Variants in RABEP1 observed in about 807,000 individuals in gnomAD.
The protein encoded by RABEP1 is rabaptin, RAB GTPase binding effector protein 1.
Under a neutral mutation model 123.4 loss-of-function variants are expected in RABEP1, and 51 were observed. That is an observed-to-expected ratio of 0.41 (90% CI 0.33 to 0.52). The LOEUF is 0.52. Among genes scored for constraint, RABEP1 ranks in the 20% least tolerant of loss-of-function variants. The pLI, the probability that RABEP1 is intolerant of heterozygous loss-of-function variation, is 0.16. For synonymous variants in RABEP1, 347 were observed against 355.2 expected (o/e 0.98, Z 0.26); for missense variants, 888 against 996.3 (o/e 0.89, Z 1.46).
At chr17:5,282,945 A>G (rs1042680459) in intron 1 of RABEP1, among the ~76,000 whole-genome samples, 9 of 152,086 alleles carry the variant, frequency 5.9e-5, no homozygotes, top group Non-Finnish European at 1.2e-4. Context: ...AATCCTTGCT[A>G]TAGAACTCTT....
chr17:5,330,597 A>G (rs1475555760), intron 2 of RABEP1, among the ~76,000 whole-genome samples: 1 of 152,236 alleles, frequency 6.6e-6, no homozygotes, highest in Non-Finnish European at 1.5e-5. Flanking sequence ...TAGCGGTAGA[A>G]TTAGACCTTA....
chr17:5,337,927 G>C (rs1907243331), intron 4 of RABEP1, 92 bp from the exon 5 acceptor site: 1 of 1,380,974 alleles, frequency 7.2e-7, no homozygotes, highest in Admixed American at 2.5e-5. Flanking sequence ...CAAGTTACTT[G>C]TTATAATAAT....
chr17:5,336,241 T>G (rs1907070325), intron 4 of RABEP1, among the ~76,000 whole-genome samples: 1 of 152,194 alleles, frequency 6.6e-6, no homozygotes, highest in African/African-American at 2.4e-5. Context: ...TTCAAATGCA[T>G]GTATATTCAT....
At chr17:5,380,319 C>A in intron 15 of RABEP1, 45 bp from the exon 16 acceptor site, 1 of 1,355,062 alleles carries the variant, frequency 7.4e-7, no homozygotes, top group Non-Finnish European at 1.0e-6. Context: ...TGCACTGGGG[C>A]CCAGAGGGAG....
chr17:5,315,879 A>C (rs2075290462), intron 2 of RABEP1, among the ~76,000 whole-genome samples: 1 of 152,174 alleles, frequency 6.6e-6, no homozygotes, highest in Non-Finnish European at 1.5e-5. Flanking sequence ...AAAAAGTAGT[A>C]AATTCATACC....
At chr17:5,285,698 TC>T (rs1311489612) in intron 1 of RABEP1, among the ~76,000 whole-genome samples, 1 of 152,224 alleles carries the variant, frequency 6.6e-6, no homozygotes, top group Non-Finnish European at 1.5e-5. Flanking sequence ...GCTTCTATTT[TC>T]TTGATGAGGA....
intron 1 of RABEP1, among the ~76,000 whole-genome samples, chr17:5,289,773 T>C (rs2075015611): frequency 6.6e-6 from 1 of 152,170 alleles, no homozygotes; most frequent in Non-Finnish European, 1.5e-5. Flanking sequence ...CAATAGTTCA[T>C]GTTTTTGTTT....
intron 1 of RABEP1, among the ~76,000 whole-genome samples, chr17:5,289,028 A>G (rs1213632914): frequency 6.6e-6 from 1 of 152,028 alleles, no homozygotes; most frequent in Non-Finnish European, 1.5e-5. Context: ...TTTAATTTGC[A>G]CTTCCAGGAT....
intron 2 of RABEP1, among the ~76,000 whole-genome samples, chr17:5,329,844 T>A (rs569321384): frequency 1.4e-4 from 21 of 147,692 alleles, no homozygotes; most frequent in Admixed American, 2.0e-4. Flanking sequence ...TATATATATA[T>A]AACTAAAGTT....
Position 5,340,380 on chromosome 17 carries a change from C to G in RABEP1, c.648+2242C>G, listed in dbSNP as rs1251122203. Among the ~76,000 whole-genome samples, 5 of 152,186 alleles carry G rather than the reference C, an allele frequency of 3.3e-5. No homozygotes were observed. In the East Asian group the frequency reaches 9.6e-4, roughly 29 times the overall value. On this transcript the variant is annotated intron_variant, in intron 5 of 17. Transcript: ENST00000537505. ...TTATGAGGAACATATAAATTAATCCCTATAGTAGCCACTGTATGGCTATTA... is the reference window on the plus strand; with the variant it reads ...TTATGAGGAACATATAAATTAATCCGTATAGTAGCCACTGTATGGCTATTA...
intron 7 of RABEP1, among the ~76,000 whole-genome samples, chr17:5,353,865 T>C (rs1324135272): frequency 6.6e-6 from 1 of 152,136 alleles, no homozygotes; most frequent in Non-Finnish European, 1.5e-5. Flanking sequence ...ATGCCTATGA[T>C]TCCAGCTATG....
intron 5 of RABEP1, 40 bp from the exon 6 acceptor site, chr17:5,346,748 CTG>C (rs1908097722): frequency 2.1e-6 from 3 of 1,448,456 alleles, no homozygotes; most frequent in Non-Finnish European, 2.8e-6. Context: ...AAGATAGAAA[CTG>C]TTGTAAATTT....
At chr17:5,301,585 G>A (rs1314217397) in intron 1 of RABEP1, among the ~76,000 whole-genome samples, 1 of 152,094 alleles carries the variant, frequency 6.6e-6, no homozygotes, top group Non-Finnish European at 1.5e-5. Context: ...ATTGAAAAAT[G>A]TCAGTAGAAC....
intron 2 of RABEP1, among the ~76,000 whole-genome samples, chr17:5,321,597 A>G (rs1025344683): frequency 1.8e-4 from 28 of 152,030 alleles, no homozygotes; most frequent in African/African-American, 5.1e-4. Context: ...GTAGCAGAGC[A>G]TGACCATGTC....
chr17:5,376,906 A>T (rs1308698027), intron 13 of RABEP1, among the ~76,000 whole-genome samples: 2 of 152,246 alleles, frequency 1.3e-5, no homozygotes, highest in Non-Finnish European at 2.9e-5. Flanking sequence ...GGCTTACAAG[A>T]TACGACTTGG....
chr17:5,353,254 C>T (rs1359417474), intron 7 of RABEP1, among the ~76,000 whole-genome samples: 1 of 152,204 alleles, frequency 6.6e-6, no homozygotes, highest in African/African-American at 2.4e-5. Context: ...ATTGTCTCTT[C>T]TCATGCAACT....
intron 2 of RABEP1, among the ~76,000 whole-genome samples, chr17:5,309,533 A>G (rs1203202923): frequency 6.6e-6 from 1 of 151,902 alleles, no homozygotes; most frequent in Non-Finnish European, 1.5e-5. Context: ...CATGCCTGTA[A>G]TCCCAGCTGC....
chr17:5,379,886 C>T (rs1023918934), intron 15 of RABEP1, among the ~76,000 whole-genome samples: 6 of 152,230 alleles, frequency 3.9e-5, no homozygotes, highest in Non-Finnish European at 7.3e-5. Context: ...CTCTCTGCCT[C>T]AGTGCCTGTG....
In RABEP1 at chr17:5,303,224, C is replaced by T. The variant is rs2075151156; in HGVS notation, c.35-5470C>T. Among the ~76,000 whole-genome samples, 3 of 152,086 alleles carry T rather than the reference C, an allele frequency of 2.0e-5. 1 individual carries two copies. The highest frequency in any genetic ancestry group is 6.8e-3 in the Middle Eastern group (2 of 294). On this transcript the variant is annotated intron_variant, in intron 1 of 17. Coordinates refer to ENST00000537505, the MANE Select transcript of RABEP1 (RefSeq NM_004703.6). ...GGATGGGTAGGATATACCTACCATA[C>T]TTAATAGTTTTATTTTATTTTATTT...
Sources: gnomAD v4.1 joint callset for allele counts (sites outside exome capture counted in the v4.1 genomes callset) on GRCh38, gnomAD v4.1.1 for gene constraint, MANE v1.5 for transcripts, NCBI Gene and HGNC (gene_info 2026-07-23, HGNC 2026-07-21) for gene names.